Variants in MECOM observed in about 807,000 individuals in gnomAD.
The protein encoded by MECOM is histone-lysine N-methyltransferase MECOM.
In MECOM, 13 loss-of-function variants were observed where a neutral mutation model predicts 116.3. The observed-to-expected ratio is 0.11, with a 90% CI of 0.07 to 0.18. The LOEUF (loss-of-function observed/expected upper bound fraction) is 0.18, where lower values mean the gene tolerates loss of function less well. Ranked by LOEUF, MECOM falls within the 10% of genes least tolerant of loss-of-function variation. The pLI is 1.00. For missense variants in MECOM, 1,299 were observed against 1,509.0 expected (o/e 0.86, Z 2.31); for synonymous variants, 528 against 535.2 (o/e 0.99, Z 0.19).
At chr3:169,505,819 AC>A (rs1334119452) in intron 1 of MECOM, among the ~76,000 whole-genome samples, 2 of 152,010 alleles carry the variant, frequency 1.3e-5, no homozygotes, top group Admixed American at 6.6e-5. Context: ...CCTCATCAAA[AC>A]CCTCTGAAAA....
intron 9 of MECOM, among the ~76,000 whole-genome samples, chr3:169,112,415 T>C (rs1238165544): frequency 6.6e-6 from 1 of 152,122 alleles, no homozygotes; most frequent in Non-Finnish European, 1.5e-5. Context: ...AGAACAAGAA[T>C]GACCTTCATG....
chr3:169,099,283 C>T (rs768073151), intron 12 of MECOM, among the ~76,000 whole-genome samples: 4 of 152,030 alleles, frequency 2.6e-5, no homozygotes, highest in Non-Finnish European at 5.9e-5. Flanking sequence ...GTAAAATGAA[C>T]GTGATAACAT....
intron 1 of MECOM, among the ~76,000 whole-genome samples, chr3:169,633,778 G>C (rs1035192856): frequency 3.3e-5 from 5 of 151,982 alleles, no homozygotes; most frequent in African/African-American, 1.2e-4. Context: ...CTAAGGTTGG[G>C]GGTCAAGATG....
At chr3:169,437,265 T>A (rs2108590761) in intron 1 of MECOM, among the ~76,000 whole-genome samples, 1 of 152,334 alleles carries the variant, frequency 6.6e-6, no homozygotes, top group African/African-American at 2.4e-5. Context: ...GCCATTGAAC[T>A]AAGCTGTGTC....
chr3:169,121,021 A>T (rs953124286), intron 7 of MECOM, 35 bp downstream of exon 7: 1 of 1,570,140 alleles, frequency 6.4e-7, no homozygotes, highest in East Asian at 2.3e-5. Context: ...GAAGAGACAG[A>T]TGTGGGAAGG....
chr3:169,094,272 C>A (rs1720805858), intron 13 of MECOM, among the ~76,000 whole-genome samples: 1 of 152,090 alleles, frequency 6.6e-6, no homozygotes, highest in Non-Finnish European at 1.5e-5. Context: ...GTTCTTAAAT[C>A]TCTTTGCCTG....
intron 8 of MECOM, 142 bp downstream of exon 8, chr3:169,115,241 A>G: frequency 1.1e-6 from 1 of 904,264 alleles, no homozygotes; most frequent in South Asian, 2.6e-5. Context: ...TTCAGAATAA[A>G]AAATGAGTTC....
chr3:169,431,493 G>A (rs1454114762), intron 1 of MECOM, among the ~76,000 whole-genome samples: 1 of 152,008 alleles, frequency 6.6e-6, no homozygotes, highest in African/African-American at 2.4e-5. Flanking sequence ...AGAAATAAAG[G>A]TCCCTTGACC....
At chr3:169,195,276 G>A (rs1304028175) in intron 2 of MECOM, among the ~76,000 whole-genome samples, 1 of 152,038 alleles carries the variant, frequency 6.6e-6, no homozygotes, top group Non-Finnish European at 1.5e-5. Flanking sequence ...TCAATGCTTG[G>A]TCTAACCAGA....
At chr3:169,144,899 A>G (rs1254900356) in intron 2 of MECOM, 1 of 920,674 alleles carries the variant, frequency 1.1e-6, no homozygotes, top group Non-Finnish European at 1.7e-6. Context: ...GCATAACCAC[A>G]TAAAAGTTAA....
intron 2 of MECOM, among the ~76,000 whole-genome samples, chr3:169,183,600 A>G (rs1270039520): frequency 1.3e-5 from 2 of 152,080 alleles, no homozygotes; most frequent in Non-Finnish European, 2.9e-5. Context: ...GCCAGAGGTC[A>G]TATGAACTGA....
intron 16 of MECOM, 68 bp downstream of exon 16, chr3:169,088,932 G>T (rs1718732565): frequency 7.9e-7 from 1 of 1,267,306 alleles, no homozygotes; most frequent in Non-Finnish European, 1.0e-6. Flanking sequence ...TTGCTTTTTG[G>T]TAATCAAAGG....
chr3:169,312,358 G>T (rs935401502), intron 2 of MECOM, among the ~76,000 whole-genome samples: 96 of 147,098 alleles, frequency 6.5e-4, no homozygotes, highest in African/African-American at 2.4e-3. Context: ...AGGCAAGAAT[G>T]ACTGCAATTT....
At chr3:169,663,102 T>C (rs1776545401) in intron 1 of MECOM, among the ~76,000 whole-genome samples, 1 of 133,776 alleles carries the variant, frequency 7.5e-6, no homozygotes, top group Admixed American at 7.7e-5. Flanking sequence ...AGCTGGTCGG[T>C]GCGCGGGACT....
intron 1 of MECOM, among the ~76,000 whole-genome samples, chr3:169,556,847 G>T (rs1438386766): frequency 6.6e-6 from 1 of 152,072 alleles, no homozygotes; most frequent in East Asian, 1.9e-4. Flanking sequence ...TGCAACCCTG[G>T]AAGAAACCCT....
In MECOM at chr3:169,159,718, A is replaced by G. The variant is rs1742558841; in HGVS notation, c.376-15886T>C. Among the ~76,000 whole-genome samples, 6 of 152,322 alleles carry G rather than the reference A, an allele frequency of 3.9e-5. No homozygotes were observed. The South Asian group carries it at 1.2e-3, about 32-fold the overall frequency. On this transcript the variant is annotated intron_variant, in intron 2 of 16. Transcript: ENST00000651503. ...AGAGATAGCATAAATCCAAATAAAA[A>G]TTTTAAAAAAGAAGTTTAGGATAGT...
intron 5 of MECOM, among the ~76,000 whole-genome samples, chr3:169,124,607 C>G (rs1156999493): frequency 6.6e-6 from 1 of 151,776 alleles, no homozygotes; most frequent in Non-Finnish European, 1.5e-5. Context: ...TTAAGGAGTC[C>G]TTACTTTCTA....
chr3:169,519,669 C>T (rs1757123047), intron 1 of MECOM, among the ~76,000 whole-genome samples: 1 of 152,214 alleles, frequency 6.6e-6, no homozygotes, highest in South Asian at 2.1e-4. Context: ...CCAACAACCA[C>T]CCACTGAATC....
chr3:169,257,605 A>G (rs1189713719), intron 2 of MECOM, among the ~76,000 whole-genome samples: 1 of 152,202 alleles, frequency 6.6e-6, no homozygotes, highest in Non-Finnish European at 1.5e-5. Flanking sequence ...CACAGTTTTT[A>G]GGTTCTAATT....
Sources: allele counts gnomAD v4.1 joint callset (sites outside exome capture counted in the v4.1 genomes callset), GRCh38; gene constraint gnomAD v4.1.1; transcripts MANE v1.5; gene names NCBI Gene and HGNC (gene_info 2026-07-23, HGNC 2026-07-21).